LUZP2: variants seen among roughly 807,000 people sequenced by gnomAD.
LUZP2 encodes the protein leucine zipper protein 2.
LUZP2 carries 52 observed loss-of-function variants against 51.6 expected under a neutral mutation model. The observed-to-expected ratio is 1.01, with a 90% CI of 0.81 to 1.27. The LOEUF is 1.27. Ranked by LOEUF, LUZP2 falls within the 50% of genes most tolerant of loss-of-function variation. LUZP2 has a pLI of 0.00. For synonymous variants in LUZP2, 154 were observed against 137.3 expected (o/e 1.12, Z -0.85); for missense variants, 436 against 395.4 (o/e 1.10, Z -0.87).
chr11:25,019,657 T>C (rs1209974117), intron 9 of LUZP2, among the ~76,000 whole-genome samples: 1 of 152,144 alleles, frequency 6.6e-6, no homozygotes, highest in African/African-American at 2.4e-5. Flanking sequence ...GCATTTAATA[T>C]AGAACTTTTA....
chr11:24,660,179 G>A (rs926809804), intron 1 of LUZP2, among the ~76,000 whole-genome samples: 2 of 152,142 alleles, frequency 1.3e-5, no homozygotes, highest in South Asian at 4.1e-4. Flanking sequence ...GGATCCAGAG[G>A]AACCTGGTTT....
chr11:24,875,832 T>C (rs1852239912), intron 5 of LUZP2, among the ~76,000 whole-genome samples: 1 of 152,204 alleles, frequency 6.6e-6, no homozygotes, highest in African/African-American at 2.4e-5. Flanking sequence ...GTGGTTTTGA[T>C]TTGCATTTCT....
chr11:24,960,197 T>C (rs1186714476), intron 7 of LUZP2, among the ~76,000 whole-genome samples: 1 of 152,190 alleles, frequency 6.6e-6, no homozygotes, highest in East Asian at 1.9e-4. Context: ...TCAAGGATAT[T>C]GTTCTAAAAT....
chr11:24,602,868 G>C (rs1853789261), intron 1 of LUZP2, among the ~76,000 whole-genome samples: 1 of 151,626 alleles, frequency 6.6e-6, no homozygotes, highest in African/African-American at 2.4e-5. Flanking sequence ...ATTAAGGGAA[G>C]GTGGAAGTCT....
At chr11:24,882,798 G>A (rs1371331146) in intron 5 of LUZP2, among the ~76,000 whole-genome samples, 1 of 143,064 alleles carries the variant, frequency 7.0e-6, no homozygotes, top group Non-Finnish European at 1.6e-5. Flanking sequence ...AAGGAAGAAA[G>A]GAAGGAAGGG....
In LUZP2 at chr11:24,899,418, TA is replaced by T. The variant is rs920581014; in HGVS notation, c.397-6563del. 2.2e-3 allele frequency among the ~76,000 whole-genome samples: 318 copies of T among 147,464 alleles called. 1 individual carries two copies. Among genetic ancestry groups the T allele is most frequent in the Admixed American group, 4.9e-3 (72 of 14,756 alleles). ...ACTAGACTCTAGAAAAACAAGAAGG[TA>T]AAAAAAAAACTGTGAGGTTGTAAAC... On this transcript the variant is annotated intron_variant, in intron 5 of 11. Transcript: ENST00000336930.
At chr11:24,595,631 C>A (rs968547808) in intron 1 of LUZP2, among the ~76,000 whole-genome samples, 3 of 152,074 alleles carry the variant, frequency 2.0e-5, no homozygotes, top group African/African-American at 4.8e-5. Context: ...TGAGTTTATG[C>A]CTCCCCATAG....
At chr11:24,575,748 T>A (rs914369836) in intron 1 of LUZP2, among the ~76,000 whole-genome samples, 3 of 152,140 alleles carry the variant, frequency 2.0e-5, no homozygotes, top group African/African-American at 7.2e-5. Flanking sequence ...CAGATCAGGT[T>A]TCTTTTAACC....
chr11:24,939,434 C>A (rs1428328919), intron 7 of LUZP2, among the ~76,000 whole-genome samples: 1 of 151,942 alleles, frequency 6.6e-6, no homozygotes, highest in Non-Finnish European at 1.5e-5. Context: ...AGGGGACAAT[C>A]AAAGTTCAGT....
intron 10 of LUZP2, among the ~76,000 whole-genome samples, chr11:25,061,158 C>G (rs759357750): frequency 6.6e-6 from 1 of 152,122 alleles, no homozygotes; most frequent in Non-Finnish European, 1.5e-5. Context: ...TTCTTCCTGC[C>G]TTACTGTGGG....
chr11:24,785,443 C>A (rs1849216934), intron 5 of LUZP2, among the ~76,000 whole-genome samples: 1 of 151,846 alleles, frequency 6.6e-6, no homozygotes, highest in Admixed American at 6.6e-5. Flanking sequence ...AAAGCATGGA[C>A]CTTGCTTGGA....
At chr11:24,572,454 C>T (rs576276440) in intron 1 of LUZP2, among the ~76,000 whole-genome samples, 12 of 151,930 alleles carry the variant, frequency 7.9e-5, no homozygotes, top group Admixed American at 2.0e-4. Context: ...TTTGCCATGT[C>T]TAATTATGGA....
At chr11:24,720,127 CAT>C (rs766192025) in intron 1 of LUZP2, among the ~76,000 whole-genome samples, 3 of 152,066 alleles carry the variant, frequency 2.0e-5, no homozygotes, top group Non-Finnish European at 4.4e-5. Context: ...TCTATTAAAA[CAT>C]TGACTAACTA....
chr11:24,810,288 T>A (rs1030203536), intron 5 of LUZP2, among the ~76,000 whole-genome samples: 1 of 152,160 alleles, frequency 6.6e-6, no homozygotes, highest in African/African-American at 2.4e-5. Context: ...ATTTTTCCTG[T>A]CATATTTAGC....
chr11:24,963,600 T>G (rs376370825), intron 7 of LUZP2, among the ~76,000 whole-genome samples: 2,540 of 66,400 alleles, frequency 0.038, 39 homozygotes, highest in South Asian at 0.21. Context: ...TGGTGCGCCG[T>G]TTTTTAAGCC....
chr11:25,000,864 C>T (rs1042745225), intron 9 of LUZP2, among the ~76,000 whole-genome samples: 7 of 151,984 alleles, frequency 4.6e-5, no homozygotes, highest in Non-Finnish European at 1.0e-4. Flanking sequence ...TAGTTACTAT[C>T]CTTACTGAAT....
At chr11:24,808,058 G>T (rs1849905543) in intron 5 of LUZP2, among the ~76,000 whole-genome samples, 1 of 152,116 alleles carries the variant, frequency 6.6e-6, no homozygotes, top group Non-Finnish European at 1.5e-5. Context: ...GATCACAATG[G>T]AAATAAAATG....
At chr11:24,655,386 C>A (rs974227423) in intron 1 of LUZP2, among the ~76,000 whole-genome samples, 9 of 147,710 alleles carry the variant, frequency 6.1e-5, no homozygotes, top group Admixed American at 5.4e-4. Flanking sequence ...AAATAGAGGT[C>A]TTTTTTTTTT....
chr11:25,028,601 CT>C (rs762864421), intron 9 of LUZP2, among the ~76,000 whole-genome samples: 50 of 152,008 alleles, frequency 3.3e-4, no homozygotes, highest in South Asian at 2.5e-3. Flanking sequence ...AACAATTGAA[CT>C]CTATGTACTA....
Sources: gnomAD v4.1 joint callset for allele counts (sites outside exome capture counted in the v4.1 genomes callset) on GRCh38, gnomAD v4.1.1 for gene constraint, MANE v1.5 for transcripts, NCBI Gene and HGNC (gene_info 2026-07-23, HGNC 2026-07-21) for gene names.